The following SOS1 variants were observed in gnomAD, a reference collection of about 807,000 sequenced individuals.
The protein encoded by SOS1 is son of sevenless homolog 1.
Under a neutral mutation model 157.6 loss-of-function variants are expected in SOS1, and 25 were observed. That is an observed-to-expected ratio of 0.16 (90% confidence interval 0.12 to 0.22). SOS1 has a LOEUF of 0.22. SOS1 is among the 10% of genes least tolerant of loss of function. The pLI, the probability that SOS1 is intolerant of heterozygous loss-of-function variation, is 1.00. For synonymous variants in SOS1, 528 were observed against 534.0 expected, an observed-to-expected ratio of 0.99 and a Z score of 0.16; for missense variants, 1,237 against 1,599.1, an observed-to-expected ratio of 0.77 and a Z score of 3.86.
chr2:38,998,778 A>G (rs1351695220), intron 17 of SOS1, among the ~76,000 whole-genome samples: 2 of 152,106 alleles, frequency 1.3e-5, no homozygotes, highest in African/African-American at 4.8e-5. Context: ...CTTTTTCCCT[A>G]AAGTACTGAT....
intron 1 of SOS1, among the ~76,000 whole-genome samples, 191 bp downstream of exon 1, chr2:39,120,145 C>T (rs1306940630): frequency 6.6e-6 from 1 of 152,138 alleles, no homozygotes; most frequent in Non-Finnish European, 1.5e-5. Flanking sequence ...GCGGCATTCC[C>T]ACACACCCGG....
At chr2:38,992,254 T>TTAAG (rs55715657) in intron 20 of SOS1, 143,095 of 152,136 alleles carry the variant, frequency 0.94, 67,400 homozygotes, top group African/African-American at 0.97. Context: ...CTGATAGGTT[T>TTAAG]TAAGGGATTA....
At chr2:39,112,596 C>A (rs534838056) in intron 1 of SOS1, among the ~76,000 whole-genome samples, 2 of 152,312 alleles carry the variant, frequency 1.3e-5, no homozygotes, top group South Asian at 4.1e-4. Context: ...GCCACCGCAC[C>A]TGGCTTGCAA....
chr2:39,056,406 G>C (rs911961803), intron 4 of SOS1, among the ~76,000 whole-genome samples: 8 of 151,944 alleles, frequency 5.3e-5, no homozygotes, highest in Non-Finnish European at 8.8e-5. Context: ...GACAGAGTGA[G>C]ATTCCGTCTC....
chr2:39,006,973 A>G, intron 16 of SOS1, 58 bp downstream of exon 16: 1 of 1,149,796 alleles, frequency 8.7e-7, no homozygotes, highest in Non-Finnish European at 1.3e-6. Context: ...ATTGTTAAAA[A>G]TCTAATTTTT....
intron 3 of SOS1, 113 bp downstream of exon 3, chr2:39,058,560 G>C (rs1327719997): frequency 8.8e-7 from 1 of 1,140,986 alleles, no homozygotes; most frequent in Non-Finnish European, 1.3e-6. Flanking sequence ...CTTAGAATGA[G>C]AGAATTTTAC....
chr2:39,023,405 T>C (rs565311127), intron 9 of SOS1, among the ~76,000 whole-genome samples, 180 bp from the exon 10 acceptor site: 17 of 152,122 alleles, frequency 1.1e-4, no homozygotes, highest in African/African-American at 3.9e-4. Flanking sequence ...AACCTAGAAA[T>C]TTTTTTCAGT....
At chr2:39,085,956 A>G (rs1464286423) in intron 1 of SOS1, among the ~76,000 whole-genome samples, 1 of 152,248 alleles carries the variant, frequency 6.6e-6, no homozygotes, top group East Asian at 1.9e-4. Context: ...GAGGCAGAGT[A>G]GTAAAAAGGT....
chr2:39,023,983 GA>G, intron 9 of SOS1, 26 bp downstream of exon 9: 1 of 1,534,222 alleles, frequency 6.5e-7, no homozygotes, highest in Non-Finnish European at 9.0e-7. Context: ...GGGAAAAAAG[GA>G]TATTTTAAAA....
At chr2:39,070,433 A>G (rs977250536) in intron 1 of SOS1, among the ~76,000 whole-genome samples, 13 of 152,172 alleles carry the variant, frequency 8.5e-5, no homozygotes, top group African/African-American at 3.1e-4. Flanking sequence ...GTAGAGTTCC[A>G]TATCTTCCTC....
chr2:39,114,021 A>G lies in SOS1; in HGVS notation c.87+6315T>C, dbSNP rs912639339. 1.1e-4 allele frequency among the ~76,000 whole-genome samples: 16 copies of G among 152,298 alleles called. 1 individual carries two copies. The highest frequency in any genetic ancestry group is 1.0e-3 in the Admixed American group (16 of 15,292). ...GTGACCAATGACCCCTTAGCTGCCA[A>G]ACTTAACACTTTTCAGGCCCTTTGA... is the stretch of plus-strand genomic sequence containing the variant. On this transcript the variant is annotated intron_variant, in intron 1 of 22. Transcript: ENST00000402219.
Position 39,052,220 on chromosome 2 carries a change from A to G in SOS1, c.721-933T>C, listed in dbSNP as rs567414378. On this transcript the variant is annotated intron_variant, in intron 5 of 22. Transcript: ENST00000402219. ...GATAGTTTCTTAAGGGTTAGTTGCA[A>G]TGTAGAATCTGCAACCATATCCATT... Among the ~76,000 whole-genome samples the G allele has an allele frequency of 1.2e-4, 19 of 152,322 alleles. 1 individual carries two copies. In the South Asian group the frequency reaches 3.9e-3, roughly 32 times the overall value.
chr2:39,030,883 G>A (rs945862034), intron 8 of SOS1, among the ~76,000 whole-genome samples: 5 of 152,128 alleles, frequency 3.3e-5, no homozygotes, highest in Non-Finnish European at 7.3e-5. Flanking sequence ...AGATTTGGAT[G>A]CAGACACATA....
At chr2:39,032,041 T>C (rs900764359) in intron 8 of SOS1, among the ~76,000 whole-genome samples, 4 of 152,194 alleles carry the variant, frequency 2.6e-5, no homozygotes, top group African/African-American at 9.7e-5. Context: ...ATCATATGTT[T>C]ATGGTATATA....
At chr2:39,059,440 C>T (rs1015219505) in intron 2 of SOS1, among the ~76,000 whole-genome samples, 2 of 152,102 alleles carry the variant, frequency 1.3e-5, no homozygotes, top group Non-Finnish European at 2.9e-5. Flanking sequence ...GTTACTATCA[C>T]AGCTGAATTT....
intron 1 of SOS1, among the ~76,000 whole-genome samples, chr2:39,106,192 CA>C (rs1673172006): frequency 6.6e-6 from 1 of 151,638 alleles, no homozygotes; most frequent in Non-Finnish European, 1.5e-5. Flanking sequence ...TGTACACACA[CA>C]CACACACACA....
chr2:39,084,197 T>TA (rs1672297173), intron 1 of SOS1, among the ~76,000 whole-genome samples: 1 of 152,190 alleles, frequency 6.6e-6, no homozygotes, highest in Admixed American at 6.5e-5. Flanking sequence ...CTGTGGTACT[T>TA]ATTATGGCAC....
intron 2 of SOS1, among the ~76,000 whole-genome samples, chr2:39,060,041 G>A (rs1291437334): frequency 6.6e-6 from 1 of 152,138 alleles, no homozygotes; most frequent in Non-Finnish European, 1.5e-5. Context: ...AGGTGAAAAG[G>A]GAGAAAAGGG....
intron 16 of SOS1, 67 bp downstream of exon 16, chr2:39,006,963 AT>A: frequency 9.8e-7 from 1 of 1,025,396 alleles, no homozygotes; most frequent in Non-Finnish European, 1.5e-6. Context: ...AAAGATAATA[AT>A]TGTTAAAAAT....
Sources: allele counts gnomAD v4.1 joint callset (sites outside exome capture counted in the v4.1 genomes callset), GRCh38; gene constraint gnomAD v4.1.1; transcripts MANE v1.5; gene names NCBI Gene and HGNC (gene_info 2026-07-23, HGNC 2026-07-21).